Variants in MTAP observed in about 807,000 individuals in gnomAD.
MTAP encodes S-methyl-5'-thioadenosine phosphorylase.
In MTAP, 33 loss-of-function variants were observed where a neutral mutation model predicts 33.6. The ratio of observed to expected loss-of-function variants is 0.98; its 90% confidence interval spans 0.74 to 1.31. The LOEUF (loss-of-function observed/expected upper bound fraction) is 1.31. Ranked by LOEUF, MTAP falls within the 40% of genes most tolerant of loss-of-function variation. The pLI is 0.00. For missense variants in MTAP, 367 were observed against 360.0 expected, an observed-to-expected ratio of 1.02 and a Z score of -0.16; for synonymous variants, 148 against 125.7, an observed-to-expected ratio of 1.18 and a Z score of -1.19.
chr9:21,825,041 A>G (rs543021398), intron 4 of MTAP, among the ~76,000 whole-genome samples: 1 of 151,942 alleles, frequency 6.6e-6, no homozygotes, highest in East Asian at 1.9e-4. Flanking sequence ...TTGACCCCTT[A>G]CGCTTCCTAG....
chr9:21,855,771 C>T (rs115396295), intron 6 of MTAP, among the ~76,000 whole-genome samples: 76 of 152,216 alleles, frequency 5.0e-4, no homozygotes, highest in African/African-American at 1.8e-3. Flanking sequence ...TCCAGGTACC[C>T]ATCACTTAGG....
At chr9:21,833,779 G>C (rs1332175046) in intron 4 of MTAP, among the ~76,000 whole-genome samples, 1 of 152,174 alleles carries the variant, frequency 6.6e-6, no homozygotes, top group African/African-American at 2.4e-5. Flanking sequence ...TTTGCCCTCA[G>C]CTTGTTTGCA....
exon 8 of MTAP, chr9:21,936,553 T>C (rs929714827): frequency 6.6e-6 from 1 of 152,256 alleles, no homozygotes; most frequent in African/African-American, 2.4e-5. Context: ...TAACATAAGT[T>C]AATCTACTTT....
At chr9:21,857,868 G>C (rs1046797118) in intron 6 of MTAP, among the ~76,000 whole-genome samples, 5 of 152,180 alleles carry the variant, frequency 3.3e-5, no homozygotes, top group African/African-American at 1.2e-4. Context: ...TTGTCCTGTT[G>C]AGTTTCCCAC....
intron 1 of MTAP, among the ~76,000 whole-genome samples, chr9:21,895,991 A>T (rs1402954430): frequency 1.3e-5 from 2 of 152,160 alleles, no homozygotes; most frequent in Non-Finnish European, 2.9e-5. Context: ...CCTATTCCAA[A>T]ATTGACCACA....
At chr9:21,890,363 T>C (rs569378814) in intron 1 of MTAP, among the ~76,000 whole-genome samples, 1 of 152,326 alleles carries the variant, frequency 6.6e-6, no homozygotes, top group South Asian at 2.1e-4. Flanking sequence ...GTCTCCTTGC[T>C]GAGAATTCAA....
chr9:21,854,906 G>A, intron 6 of MTAP, 36 bp downstream of exon 6: 1 of 1,607,480 alleles, frequency 6.2e-7, no homozygotes. Context: ...ATATAGCATG[G>A]GTTTCTGGGT....
chr9:21,925,724 C>A (rs1398315108), intron 1 of MTAP, among the ~76,000 whole-genome samples: 1 of 150,680 alleles, frequency 6.6e-6, no homozygotes, highest in Non-Finnish European at 1.5e-5. Context: ...ATCCCAATTC[C>A]TGATGGCCTT....
intron 1 of MTAP, among the ~76,000 whole-genome samples, chr9:21,895,218 A>G: frequency 6.6e-6 from 1 of 152,252 alleles, no homozygotes; most frequent in East Asian, 1.9e-4. Flanking sequence ...GAATAACCAA[A>G]GCAAGCCTAA....
Position 21,922,715 on chromosome 9 carries a change from C to T in MTAP, c.148-8293C>T, listed in dbSNP as rs186699197. Among the ~76,000 whole-genome samples, 131 of 152,290 alleles carry T rather than the reference C, an allele frequency of 8.6e-4. No homozygotes were observed. Among genetic ancestry groups the T allele is most frequent in the African/African-American group, 2.8e-3 (115 of 41,570 alleles). ...TTCTTCTCCCCTTTCACTCTCCTGCCTTCCAACCAATTCCCAGAACTATTA... is the reference window on the plus strand; with the variant it reads ...TTCTTCTCCCCTTTCACTCTCCTGCTTTCCAACCAATTCCCAGAACTATTA... On this transcript the variant is annotated intron_variant, in intron 1 of 1. Coordinates refer to the MTAP transcript ENST00000577563. The surrounding 1 kb of genome is among the most constrained non-coding windows in gnomAD (Gnocchi z 4.8).
chr9:21,897,885 A>T (rs1191491844), intron 1 of MTAP, among the ~76,000 whole-genome samples: 4 of 152,156 alleles, frequency 2.6e-5, no homozygotes, highest in African/African-American at 9.7e-5. Flanking sequence ...AAACTACTTT[A>T]AAGGTCATAT....
intron 7 of MTAP, chr9:21,860,288 C>CAA (rs796115645): frequency 4.6e-5 from 7 of 152,316 alleles, no homozygotes; most frequent in African/African-American, 1.7e-4. Flanking sequence ...TTACGTGGTA[C>CAA]AAGTGCTCCA....
At chr9:21,827,086 A>G (rs991756508) in intron 4 of MTAP, among the ~76,000 whole-genome samples, 2 of 152,298 alleles carry the variant, frequency 1.3e-5, no homozygotes, top group Non-Finnish European at 1.5e-5. Flanking sequence ...CCGGTGCCAA[A>G]AAGATTAGGG....
chr9:21,862,199 C>A lies in MTAP; in HGVS notation c.*185C>A. 13 of 1,320,966 alleles carry A rather than the reference C, an allele frequency of 9.8e-6. No individual in the cohort carries two copies. The highest frequency in any genetic ancestry group is 3.6e-5 in the Admixed American group (1 of 27,962). 81.8% of individuals were successfully genotyped at this position (1,320,966 alleles called of 1,614,324 possible). Reference sequence around the variant, plus strand: ...GACTCCTGAATGATTTAGACAACTTCAAAATACAGAAGAAAAGCAAATGAC... The same window carrying A: ...GACTCCTGAATGATTTAGACAACTTAAAAATACAGAAGAAAAGCAAATGAC... On this transcript the variant is annotated 3_prime_UTR_variant, in exon 8 of 8. Coordinates refer to ENST00000644715, the MANE Select transcript of MTAP (RefSeq NM_002451.4).
intron 1 of MTAP, among the ~76,000 whole-genome samples, chr9:21,911,062 A>G (rs975326420): frequency 2.6e-5 from 4 of 152,328 alleles, no homozygotes; most frequent in South Asian, 4.1e-4. Context: ...AAAGGGATCA[A>G]TTCAACAAGA....
At chr9:21,896,952 C>G (rs1818304972) in intron 1 of MTAP, among the ~76,000 whole-genome samples, 1 of 152,156 alleles carries the variant, frequency 6.6e-6, no homozygotes, top group Admixed American at 6.5e-5. Context: ...AACCAATATC[C>G]CTGATGAACA....
rs576589789 is a variant in MTAP at position 21,882,743 on chromosome 9, CAAT to C, written c.147+27876_147+27878del. Among the ~76,000 whole-genome samples the C allele has an allele frequency of 3.6e-3, 548 of 152,014 alleles. 5 individuals are homozygous for C. Among genetic ancestry groups the C allele is most frequent in the African/African-American group, 0.012 (484 of 41,508 alleles). Reference sequence around the variant, plus strand: ...GATGATGTTTTAGAACAAATTGTCTCAATAAATTTTAAAGTAACTCTGGGTTTT... The same window carrying C: ...GATGATGTTTTAGAACAAATTGTCTCAAATTTTAAAGTAACTCTGGGTTTT... On this transcript the variant is annotated intron_variant, in intron 1 of 1. Coordinates refer to the MTAP transcript ENST00000577563.
At chr9:21,907,934 G>C (rs1297889116) in intron 1 of MTAP, among the ~76,000 whole-genome samples, 1 of 151,662 alleles carries the variant, frequency 6.6e-6, no homozygotes, top group Non-Finnish European at 1.5e-5. Context: ...AACATCTTTA[G>C]TACCTTTAGT....
In MTAP at chr9:21,854,984, T is replaced by A. The variant is rs528618044; in HGVS notation, c.690+114T>A. The A allele has an allele frequency of 3.6e-6, 5 of 1,383,264 alleles. No homozygotes were observed. The Admixed American group carries it at 9.4e-5, about 26-fold the overall frequency. The allele number at this position is 1,383,264 out of a possible 1,614,324, so 85.7% of individuals were successfully genotyped here. On this transcript the variant is annotated intron_variant, in intron 6 of 7. Transcript: ENST00000644715. ...TCAGAAAGTGCCTTTCTACAAGGTT[T>A]TGAAGTTGTTAATATTTTCTGTAGT... is the stretch of plus-strand genomic sequence containing the variant.
Sources: gnomAD v4.1 joint callset for allele counts (sites outside exome capture counted in the v4.1 genomes callset) on GRCh38, gnomAD v4.1.1 for gene constraint, Gnocchi (gnomAD v3.1) non-coding constraint, MANE v1.5 for transcripts, NCBI Gene and HGNC (gene_info 2026-07-23, HGNC 2026-07-21) for gene names.